ZHX2: variants seen among roughly 807,000 people sequenced by gnomAD.
The protein encoded by ZHX2 is zinc fingers and homeoboxes protein 2.
A neutral mutation model predicts 21.9 loss-of-function variants in ZHX2; 6 were observed. The observed-to-expected ratio is 0.27, with a 90% CI of 0.15 to 0.54. The LOEUF (loss-of-function observed/expected upper bound fraction) is 0.54, where lower values mean the gene tolerates loss of function less well. Among genes scored for constraint, ZHX2 ranks in the 20% least tolerant of loss-of-function variants. ZHX2 has a pLI of 0.95. For missense variants in ZHX2, 908 were observed against 1,090.7 expected (o/e 0.83, Z 2.36); for synonymous variants, 434 against 437.1 (o/e 0.99, Z 0.09).
intron 2 of ZHX2, among the ~76,000 whole-genome samples, chr8:122,892,261 C>T (rs950897254): frequency 3.3e-5 from 5 of 152,082 alleles, no homozygotes; most frequent in African/African-American, 1.2e-4. Flanking sequence ...GTTTCAGATT[C>T]TGTTTGCATG....
At chr8:122,970,742 G>T (rs4870836) in intron 3 of ZHX2, among the ~76,000 whole-genome samples, 19,255 of 152,216 alleles carry the variant, frequency 0.13, 1,612 homozygotes, top group East Asian at 0.46. Flanking sequence ...CCCATTTGCT[G>T]GGGAAAACCC....
At chr8:122,957,688 C>T (rs1813344218) in intron 3 of ZHX2, among the ~76,000 whole-genome samples, 1 of 152,108 alleles carries the variant, frequency 6.6e-6, no homozygotes, top group African/African-American at 2.4e-5. Context: ...CCATGCTGGT[C>T]TCAAACTCCT....
At chr8:122,885,644 C>T (rs1378506083) in intron 2 of ZHX2, among the ~76,000 whole-genome samples, 1 of 152,118 alleles carries the variant, frequency 6.6e-6, no homozygotes, top group Admixed American at 6.5e-5. Flanking sequence ...TTTTTTGTCA[C>T]AATTTGAGGC....
intron 3 of ZHX2, among the ~76,000 whole-genome samples, chr8:122,962,946 TG>T (rs1286418464): frequency 1.3e-5 from 2 of 152,200 alleles, no homozygotes; most frequent in Admixed American, 1.3e-4. Context: ...TGTCTATTCA[TG>T]TCTTTAGCCC....
At chr8:122,927,015 T>G (rs1402392630) in intron 2 of ZHX2, among the ~76,000 whole-genome samples, 4 of 152,170 alleles carry the variant, frequency 2.6e-5, no homozygotes, top group Admixed American at 6.5e-5. Context: ...TAAGATAGCA[T>G]TCACAGGTTC....
At chr8:122,936,863 G>C (rs556433614) in intron 2 of ZHX2, among the ~76,000 whole-genome samples, 1 of 134,404 alleles carries the variant, frequency 7.4e-6, no homozygotes, top group Non-Finnish European at 1.6e-5. Flanking sequence ...GAGCACATTC[G>C]TTCTCCCAAG....
At chr8:122,942,713 T>C (rs1384091556) in intron 2 of ZHX2, among the ~76,000 whole-genome samples, 1 of 152,232 alleles carries the variant, frequency 6.6e-6, no homozygotes, top group Non-Finnish European at 1.5e-5. Flanking sequence ...ACAGCCAGAC[T>C]GTGAGCCAGC....
intron 1 of ZHX2, among the ~76,000 whole-genome samples, chr8:122,818,248 G>A (rs1033084259): frequency 3.3e-5 from 5 of 151,382 alleles, no homozygotes; most frequent in South Asian, 4.1e-4. Context: ...TGGCGCCCAG[G>A]CAACATCCTT....
intron 2 of ZHX2, among the ~76,000 whole-genome samples, chr8:122,875,927 T>C (rs1439013839): frequency 6.6e-6 from 1 of 152,234 alleles, no homozygotes; most frequent in African/African-American, 2.4e-5. Flanking sequence ...ATTTCCACTG[T>C]AAAAGGGCAA....
At chr8:122,858,031 A>C (rs1390722705) in intron 1 of ZHX2, among the ~76,000 whole-genome samples, 2 of 152,230 alleles carry the variant, frequency 1.3e-5, no homozygotes, top group Non-Finnish European at 2.9e-5. Context: ...TATTGCCTGG[A>C]ACAAAGACAG....
chr8:122,936,967 A>G (rs538606693), intron 2 of ZHX2, among the ~76,000 whole-genome samples: 53 of 152,368 alleles, frequency 3.5e-4, no homozygotes, highest in Non-Finnish European at 5.3e-4. Flanking sequence ...TCCTGGAGAC[A>G]GTGATGTTCT....
intron 2 of ZHX2, among the ~76,000 whole-genome samples, chr8:122,889,708 C>G (rs1441594148): frequency 6.6e-6 from 1 of 152,136 alleles, no homozygotes; most frequent in Non-Finnish European, 1.5e-5. Context: ...ACGGATTTTT[C>G]TTTCAACCAA....
At chr8:122,947,552 C>T (rs1297039090) in intron 2 of ZHX2, among the ~76,000 whole-genome samples, 1 of 152,226 alleles carries the variant, frequency 6.6e-6, no homozygotes, top group Admixed American at 6.5e-5. Context: ...TAGACACTTG[C>T]TCCTCTTTTA....
chr8:122,846,599 A>G, intron 1 of ZHX2, among the ~76,000 whole-genome samples: 1 of 125,488 alleles, frequency 8.0e-6, no homozygotes, highest in Non-Finnish European at 1.7e-5. Flanking sequence ...TCCTCTGCTC[A>G]TGTTTGAAAG....
intron 1 of ZHX2, among the ~76,000 whole-genome samples, chr8:122,841,132 G>A (rs1434714933): frequency 6.6e-6 from 1 of 152,162 alleles, no homozygotes; most frequent in African/African-American, 2.4e-5. Context: ...GCTGCCAGGT[G>A]GAGCGTTGCT....
chr8:122,947,141 G>A (rs114598328), intron 2 of ZHX2, among the ~76,000 whole-genome samples: 2,032 of 149,928 alleles, frequency 0.014, 47 homozygotes, highest in African/African-American at 0.047. Context: ...TGGCTTATGC[G>A]TGTGGTCCCA....
chr8:122,883,084 G>T (rs1404836329), intron 2 of ZHX2, among the ~76,000 whole-genome samples: 1 of 152,032 alleles, frequency 6.6e-6, no homozygotes, highest in Non-Finnish European at 1.5e-5. Flanking sequence ...TCTTTTCTCT[G>T]GTGATCCAAA....
At chr8:122,891,324 G>A (rs1256180120) in intron 2 of ZHX2, among the ~76,000 whole-genome samples, 1 of 118,750 alleles carries the variant, frequency 8.4e-6, no homozygotes. Context: ...GTGTGTGTGT[G>A]TAGTGTCTTT....
chr8:122,858,840 C>T (rs1009663714), intron 1 of ZHX2, among the ~76,000 whole-genome samples: 1 of 152,036 alleles, frequency 6.6e-6, no homozygotes, highest in Admixed American at 6.6e-5. Flanking sequence ...AGGATTTCAC[C>T]ATGTTGGCCA....
Sources: allele counts gnomAD v4.1 joint callset (sites outside exome capture counted in the v4.1 genomes callset), GRCh38; gene constraint gnomAD v4.1.1; transcripts MANE v1.5; gene names NCBI Gene and HGNC (gene_info 2026-07-23, HGNC 2026-07-21).